The following CDKL3 variants were observed in gnomAD, a reference collection of about 807,000 sequenced individuals.
The protein encoded by CDKL3 is cyclin dependent kinase like 3, also known as cyclin-dependent kinase-like 3.
Under a neutral mutation model 69.3 loss-of-function variants are expected in CDKL3, and 65 were observed. The observed-to-expected ratio is 0.94, with a 90% CI of 0.77 to 1.15. The LOEUF is 1.15. CDKL3 is among the 50% of genes most tolerant of loss of function. The probability of loss-of-function intolerance (pLI) is 0.00; values close to 1 mark genes in which losing one functional copy is unlikely to be tolerated. For missense variants in CDKL3, 652 were observed against 689.2 expected (o/e 0.95, Z 0.61); for synonymous variants, 202 against 221.6 (o/e 0.91, Z 0.79).
At chr5:134,309,623 G>T (rs1768849725) in intron 7 of CDKL3, among the ~76,000 whole-genome samples, 1 of 152,108 alleles carries the variant, frequency 6.6e-6, no homozygotes, top group Non-Finnish European at 1.5e-5. Context: ...TCCCCTCCTT[G>T]AAGCAGCTAC....
intron 7 of CDKL3, 52 bp from the exon 8 acceptor site, chr5:134,308,779 G>A: frequency 3.5e-6 from 5 of 1,427,326 alleles, no homozygotes; most frequent in Non-Finnish European, 4.7e-6. Flanking sequence ...TGCAGATGGA[G>A]TATTTTATCT....
At chr5:134,368,124 C>G (rs1561668780), upstream of CDKL3, among the ~76,000 whole-genome samples, 1 of 152,208 alleles carries the variant, frequency 6.6e-6, no homozygotes, top group Non-Finnish European at 1.5e-5. Context: ...ACCTGGAGAG[C>G]TTTTAGAAAG....
In CDKL3 at chr5:134,321,005, C is replaced by CTT. The variant is rs1047803739; in HGVS notation, c.652+784_652+785dup. On this transcript the variant is annotated intron_variant, in intron 5 of 12. Coordinates refer to ENST00000265334, the MANE Select transcript of CDKL3 (RefSeq NM_001113575.2). The stretch of plus-strand genomic sequence containing the variant: ...TAATTAAACTCTCATCAAACATATT[C>CTT]TTTTTTTTTTTTTTTTTTTTTGAGA... Among the ~76,000 whole-genome samples the CTT allele has an allele frequency of 2.6e-3, 317 of 123,572 alleles. 9 individuals are homozygous for CTT. Among genetic ancestry groups the CTT allele is most frequent in the African/African-American group, 4.9e-3 (145 of 29,668 alleles). The allele number at this position is 123,572 out of a possible 152,430, so 81.1% of individuals were successfully genotyped here.
chr5:134,307,005 T>C (rs771331391), intron 9 of CDKL3, among the ~76,000 whole-genome samples: 5 of 152,166 alleles, frequency 3.3e-5, no homozygotes, highest in African/African-American at 4.8e-5. Context: ...TACACTCGCC[T>C]TGGCCTCCCA....
rs184522384 is a variant in CDKL3 at position 134,320,603 on chromosome 5, C to T, written c.653-1106G>A. The stretch of plus-strand genomic sequence containing the variant: ...AAAAAAATTAAAATTTAGCCGGGCG[C>T]GGTGGTTCATGCCTGTATTCCCAGC... On this transcript the variant is annotated intron_variant, in intron 5 of 12. Coordinates refer to ENST00000265334, the MANE Select transcript of CDKL3 (RefSeq NM_001113575.2). Among the ~76,000 whole-genome samples, 4 of 151,156 alleles carry T rather than the reference C, an allele frequency of 2.6e-5. No individual in the cohort carries two copies. In the East Asian group the frequency reaches 7.9e-4, roughly 30 times the overall value.
chr5:134,345,274 T>C (rs1043635881), intron 4 of CDKL3, among the ~76,000 whole-genome samples: 8 of 152,154 alleles, frequency 5.3e-5, no homozygotes, highest in African/African-American at 1.9e-4. Context: ...TGAACTGTAT[T>C]ATATAAAAAT....
intron 4 of CDKL3, among the ~76,000 whole-genome samples, chr5:134,346,953 C>T (rs74606591): frequency 0.014 from 2,204 of 152,142 alleles, 41 homozygotes; most frequent in African/African-American, 0.048. Context: ...AATTGATAAA[C>T]AAATCAAGCA....
intron 4 of CDKL3, among the ~76,000 whole-genome samples, chr5:134,342,933 G>A (rs552074218): frequency 4.6e-5 from 7 of 152,312 alleles, no homozygotes; most frequent in African/African-American, 1.2e-4. Context: ...GGCTGCGTGC[G>A]GTGGCTCCTG....
intron 6 of CDKL3, among the ~76,000 whole-genome samples, chr5:134,316,212 A>G (rs1771017362): frequency 6.6e-6 from 1 of 152,196 alleles, no homozygotes; most frequent in African/African-American, 2.4e-5. Flanking sequence ...TCAGTCTTCC[A>G]AAGTGCTAAG....
intron 4 of CDKL3, among the ~76,000 whole-genome samples, chr5:134,342,264 A>C (rs559446515): frequency 6.6e-6 from 1 of 152,352 alleles, no homozygotes; most frequent in African/African-American, 2.4e-5. Flanking sequence ...TTACAAAACA[A>C]GTGCAAAATG....
chr5:134,338,527 TA>T (rs1049893256), intron 4 of CDKL3, among the ~76,000 whole-genome samples: 138 of 143,046 alleles, frequency 9.6e-4, no homozygotes, highest in East Asian at 1.0e-3. Context: ...CCATCTCTGC[TA>T]AAAAAAAAAA....
chr5:134,306,109 G>A (rs1767758132), intron 10 of CDKL3, among the ~76,000 whole-genome samples: 1 of 152,072 alleles, frequency 6.6e-6, no homozygotes, highest in Non-Finnish European at 1.5e-5. Flanking sequence ...GATAAATTAA[G>A]ATATATGAAC....
chr5:134,364,973 AT>A (rs746415237), intron 2 of CDKL3, among the ~76,000 whole-genome samples: 1,975 of 133,768 alleles, frequency 0.015, 15 homozygotes, highest in African/African-American at 0.037. Context: ...TGCCTGGCTA[AT>A]TTTTTTTTTT....
intron 4 of CDKL3, among the ~76,000 whole-genome samples, chr5:134,326,071 C>A (rs1215841690): frequency 6.6e-6 from 1 of 151,908 alleles, no homozygotes; most frequent in African/African-American, 2.4e-5. Flanking sequence ...CTGCACCATG[C>A]CAAAGGTAAT....
At chr5:134,304,844 T>TTA (rs1767348867) in intron 10 of CDKL3, among the ~76,000 whole-genome samples, 1 of 148,910 alleles carries the variant, frequency 6.7e-6, no homozygotes, top group African/African-American at 2.5e-5. Flanking sequence ...ATTATTATTA[T>TTA]TATTATTATT....
rs2149645354 is a variant in CDKL3 at position 134,359,768 on chromosome 5, A to G, written c.360+129T>C. 7.2e-6 allele frequency: 5 copies of G among 698,802 alleles called. No individual in the cohort carries two copies. The South Asian group carries it at 1.0e-4, about 14-fold the overall frequency. The allele number at this position is 698,802 out of a possible 1,614,324, so 43.3% of individuals were successfully genotyped here. A position where few individuals can be genotyped will look rare whatever the true frequency, so the allele number is the denominator to read the frequency against. On this transcript the variant is annotated intron_variant, in intron 3 of 12. Coordinates refer to ENST00000265334, the MANE Select transcript of CDKL3 (RefSeq NM_001113575.2). The stretch of plus-strand genomic sequence containing the variant: ...GTAGTGCCCCCTATTCCCTATCCCC[A>G]TTTTCAGGATGTCTATTATTATTGT...
At chr5:134,358,489 C>A (rs558510478) in intron 3 of CDKL3, among the ~76,000 whole-genome samples, 2 of 152,228 alleles carry the variant, frequency 1.3e-5, no homozygotes, top group East Asian at 3.9e-4. Context: ...ACAAAGATAA[C>A]ACCACTATTC....
At chr5:134,302,754 C>A (rs1766663574) in intron 11 of CDKL3, 67 bp from the exon 12 acceptor site, 1 of 765,258 alleles carries the variant, frequency 1.3e-6, no homozygotes, top group African/African-American at 1.8e-5. Flanking sequence ...CTTTCCTTTC[C>A]AAGAATTTCA....
intron 4 of CDKL3, among the ~76,000 whole-genome samples, chr5:134,328,000 G>A (rs1774832025): frequency 6.6e-6 from 1 of 152,146 alleles, no homozygotes; most frequent in African/African-American, 2.4e-5. Flanking sequence ...CAGTCGCCAT[G>A]ATACAAACAA....
Sources: gnomAD v4.1 joint callset for allele counts (sites outside exome capture counted in the v4.1 genomes callset) on GRCh38, gnomAD v4.1.1 for gene constraint, MANE v1.5 for transcripts, NCBI Gene and HGNC (gene_info 2026-07-23, HGNC 2026-07-21) for gene names.